The following ELOVL7 variants were observed in gnomAD, a reference collection of about 807,000 sequenced individuals.
The protein encoded by ELOVL7 is ELOVL fatty acid elongase 7, also known as very long chain fatty acid elongase 7.
Under a neutral mutation model 35.7 loss-of-function variants are expected in ELOVL7, and 27 were observed. The ratio of observed to expected loss-of-function variants is 0.76; its 90% CI spans 0.56 to 1.04. The LOEUF (loss-of-function observed/expected upper bound fraction) is 1.04, where lower values mean the gene tolerates loss of function less well. Among genes scored for constraint, ELOVL7 ranks in the 50% least tolerant of loss-of-function variants. The pLI, the probability that ELOVL7 is intolerant of heterozygous loss-of-function variation, is 0.00. For missense variants in ELOVL7, 327 were observed against 340.8 expected, an observed-to-expected ratio of 0.96 and a Z score of 0.32; for synonymous variants, 113 against 114.6, an observed-to-expected ratio of 0.99 and a Z score of 0.09.
At chr5:60,789,631 T>A (rs563379054) in intron 2 of ELOVL7, among the ~76,000 whole-genome samples, 1 of 152,326 alleles carries the variant, frequency 6.6e-6, no homozygotes, top group East Asian at 1.9e-4. Flanking sequence ...CCTGTAGAAA[T>A]ACATACACAT....
intron 3 of ELOVL7, among the ~76,000 whole-genome samples, chr5:60,784,972 C>A (rs544764176): frequency 2.4e-4 from 36 of 152,264 alleles, no homozygotes; most frequent in Admixed American, 2.0e-3. Context: ...TCCGAAACAG[C>A]AGAGCACTTT....
chr5:60,790,694 C>T (rs753243375), intron 2 of ELOVL7, among the ~76,000 whole-genome samples: 9 of 152,078 alleles, frequency 5.9e-5, no homozygotes, highest in Admixed American at 2.6e-4. Context: ...GGGTTGTGAG[C>T]AGGGGCTCTC....
chr5:60,780,086 CAAGTCTCT>C (rs1321891691), intron 3 of ELOVL7, among the ~76,000 whole-genome samples: 1 of 148,272 alleles, frequency 6.7e-6, no homozygotes, highest in Non-Finnish European at 1.5e-5. Flanking sequence ...AGTTATTCAA[CAAGTCTCT>C]AGTAAGTTCC....
Position 60,816,318 on chromosome 5 carries a change from T to C in ELOVL7, c.-85-17088A>G, listed in dbSNP as rs141437723. 2.4e-3 allele frequency among the ~76,000 whole-genome samples: 362 copies of C among 151,682 alleles called. 2 individuals are homozygous for C. The highest frequency in any genetic ancestry group is 8.3e-3 in the African/African-American group (342 of 41,354). ...TACCAGGATTCAGAGGAGGCGGAAGTTGCAGTGAGCCGAGATTGCATCACT... is the reference window on the plus strand; with the variant it reads ...TACCAGGATTCAGAGGAGGCGGAAGCTGCAGTGAGCCGAGATTGCATCACT... On this transcript the variant is annotated intron_variant, in intron 1 of 8. Coordinates refer to ENST00000508821, the MANE Select transcript of ELOVL7 (RefSeq NM_024930.3).
intron 8 of ELOVL7, among the ~76,000 whole-genome samples, chr5:60,756,626 AT>A (rs1741555265): frequency 6.6e-6 from 1 of 152,174 alleles, no homozygotes; most frequent in Non-Finnish European, 1.5e-5. Context: ...TAGGATCCTT[AT>A]CCATTAAAAT....
At chr5:60,809,065 C>T (rs1057031045) in intron 1 of ELOVL7, among the ~76,000 whole-genome samples, 1 of 152,026 alleles carries the variant, frequency 6.6e-6, no homozygotes, top group East Asian at 1.9e-4. Flanking sequence ...TATTAAGAGA[C>T]TGGTAAAATG....
chr5:60,802,117 TACACACACACACACAC>T (rs34511373), intron 1 of ELOVL7, among the ~76,000 whole-genome samples: 2 of 12,096 alleles, frequency 1.7e-4, no homozygotes, highest in Non-Finnish European at 2.3e-4. Context: ...TATATATATA[TACACACACACACACAC>T]ACATATATCC....
intron 2 of ELOVL7, among the ~76,000 whole-genome samples, chr5:60,790,085 C>G (rs1743837892): frequency 6.6e-6 from 1 of 151,782 alleles, no homozygotes; most frequent in Non-Finnish European, 1.5e-5. Flanking sequence ...TGCAGTGAGC[C>G]AAGATTGCGC....
At chr5:60,786,722 G>A (rs775941708) in intron 3 of ELOVL7, among the ~76,000 whole-genome samples, 5 of 152,046 alleles carry the variant, frequency 3.3e-5, no homozygotes, top group East Asian at 1.9e-4. Flanking sequence ...CAAGGCGGGC[G>A]GATCACGAGG....
Position 60,753,499 on chromosome 5 carries a change from A to T in ELOVL7, c.*1125T>A, listed in dbSNP as rs1202388127. On this transcript the variant is annotated 3_prime_UTR_variant, in exon 9 of 9. Transcript: ENST00000508821. ...ATTATATAATATATTACTATTATGT[A>T]GTCTGTCTGTCTCTCTCTCAAAGTA... 2 of 152,184 alleles carry T rather than the reference A, an allele frequency of 1.3e-5. No homozygotes were observed. The highest frequency in any genetic ancestry group is 2.4e-5 in the African/African-American group (1 of 41,448). 9.4% of individuals were successfully genotyped at this position (152,184 alleles called of 1,614,324 possible).
chr5:60,841,373 T>C (rs922479552), intron 1 of ELOVL7, among the ~76,000 whole-genome samples: 10 of 152,104 alleles, frequency 6.6e-5, no homozygotes, highest in African/African-American at 2.4e-4. Context: ...AAAATATGCA[T>C]AGAAAAAAAG....
At chr5:60,831,206 C>T (rs941607603) in intron 1 of ELOVL7, among the ~76,000 whole-genome samples, 4 of 152,278 alleles carry the variant, frequency 2.6e-5, no homozygotes, top group Non-Finnish European at 5.9e-5. Context: ...TAATCATGTC[C>T]TTATAACATG....
intron 2 of ELOVL7, among the ~76,000 whole-genome samples, chr5:60,795,996 G>A (rs1383168753): frequency 4.6e-5 from 7 of 152,094 alleles, no homozygotes; most frequent in Non-Finnish European, 8.8e-5. Context: ...ATCCATGCAC[G>A]GTAACAGTAT....
At chr5:60,823,117 T>C (rs1745979600) in intron 1 of ELOVL7, among the ~76,000 whole-genome samples, 2 of 149,830 alleles carry the variant, frequency 1.3e-5, no homozygotes, top group South Asian at 4.3e-4. Context: ...TGTTGGAGTA[T>C]TTTTACAGTG....
chr5:60,761,455 C>T (rs188565723), intron 7 of ELOVL7, among the ~76,000 whole-genome samples: 73 of 152,026 alleles, frequency 4.8e-4, no homozygotes, highest in African/African-American at 1.8e-3. Context: ...AGGAATGGAC[C>T]TCAGCGCCAA....
chr5:60,806,284 G>A (rs1488856472), intron 1 of ELOVL7, among the ~76,000 whole-genome samples: 2 of 152,098 alleles, frequency 1.3e-5, no homozygotes, highest in African/African-American at 4.8e-5. Flanking sequence ...CTAGTTTATG[G>A]CACTTTATTA....
At chr5:60,770,919 C>CA (rs1178519389) in intron 4 of ELOVL7, among the ~76,000 whole-genome samples, 1 of 152,140 alleles carries the variant, frequency 6.6e-6, no homozygotes, top group African/African-American at 2.4e-5. Flanking sequence ...AGGCTGGTCT[C>CA]AAACTCCTGG....
At position 60,827,093 on chromosome 5, in the gene ELOVL7, GT is replaced by G. The variant is rs1746212067; in HGVS notation, c.-86+17066del. On this transcript the variant is annotated intron_variant, in intron 1 of 8. Coordinates refer to ENST00000508821, the MANE Select transcript of ELOVL7 (RefSeq NM_024930.3). ...AATTGAGAACGAAATGTATAATTTA[GT>G]TATTTTAACTGAAGAAAACATTTTC... 2.0e-5 allele frequency among the ~76,000 whole-genome samples: 3 copies of G among 152,130 alleles called. No homozygotes were observed. In the South Asian group the frequency reaches 6.2e-4, roughly 32 times the overall value.
At chr5:60,756,296 G>A (rs547446324) in intron 8 of ELOVL7, among the ~76,000 whole-genome samples, 1 of 151,876 alleles carries the variant, frequency 6.6e-6, no homozygotes, top group East Asian at 1.9e-4. Context: ...AAATGTAAAA[G>A]GTGTACACAT....
Sources: allele counts gnomAD v4.1 joint callset (sites outside exome capture counted in the v4.1 genomes callset), GRCh38; gene constraint gnomAD v4.1.1; transcripts MANE v1.5; gene names NCBI Gene and HGNC (gene_info 2026-07-23, HGNC 2026-07-21).